CDH18: variants seen among roughly 807,000 people sequenced by gnomAD.
CDH18 encodes the protein cadherin-18.
In CDH18, 31 loss-of-function variants were observed where a neutral mutation model predicts 67.9. The ratio of observed to expected loss-of-function variants is 0.46; its 90% confidence interval spans 0.34 to 0.62. The LOEUF (loss-of-function observed/expected upper bound fraction) is 0.62, where lower values mean the gene tolerates loss of function less well. Ranked by LOEUF, CDH18 falls within the 20% of genes least tolerant of loss-of-function variation. The pLI is 0.01. For synonymous variants in CDH18, 362 were observed against 347.2 expected, an observed-to-expected ratio of 1.04 and a Z score of -0.48; for missense variants, 890 against 975.5, an observed-to-expected ratio of 0.91 and a Z score of 1.17.
At chr5:20,262,212 T>C (rs551966318) in intron 1 of CDH18, among the ~76,000 whole-genome samples, 11 of 152,322 alleles carry the variant, frequency 7.2e-5, no homozygotes, top group African/African-American at 2.4e-4. Flanking sequence ...TGGGAAACCA[T>C]AAATTGGGAG....
chr5:20,449,240 T>A (rs1750243330), intron 1 of CDH18, among the ~76,000 whole-genome samples: 1 of 152,192 alleles, frequency 6.6e-6, no homozygotes, highest in Admixed American at 6.5e-5. Flanking sequence ...CATATCATAT[T>A]GAAACTATCT....
chr5:20,034,990 C>T (rs1739723746), intron 2 of CDH18, among the ~76,000 whole-genome samples: 1 of 152,036 alleles, frequency 6.6e-6, no homozygotes, highest in Non-Finnish European at 1.5e-5. Flanking sequence ...TGTAAGTGCA[C>T]TGGTTGCTTT....
intron 7 of CDH18, among the ~76,000 whole-genome samples, chr5:19,590,173 T>C (rs891673158): frequency 6.6e-6 from 1 of 152,074 alleles, no homozygotes; most frequent in African/African-American, 2.4e-5. Context: ...TAAATACATT[T>C]GTTAAATAAA....
At chr5:19,991,581 T>C (rs367779160), upstream of CDH18, among the ~76,000 whole-genome samples, 93 of 152,300 alleles carry the variant, frequency 6.1e-4, no homozygotes, top group South Asian at 0.017. Context: ...TAGCAAGAAC[T>C]ATAGTTTGTG....
chr5:20,524,344 A>G (rs1238314077), intron 1 of CDH18, among the ~76,000 whole-genome samples: 2 of 152,210 alleles, frequency 1.3e-5, no homozygotes, highest in East Asian at 3.9e-4. Flanking sequence ...AAATATACTA[A>G]TTAATAAATG....
At chr5:20,522,275 T>C (rs1480122916) in intron 1 of CDH18, among the ~76,000 whole-genome samples, 1 of 152,160 alleles carries the variant, frequency 6.6e-6, no homozygotes, top group Non-Finnish European at 1.5e-5. Flanking sequence ...AGCCACCTAG[T>C]TTCTGATGTT....
chr5:20,089,005 C>T (rs927638069), intron 2 of CDH18, among the ~76,000 whole-genome samples: 9 of 151,868 alleles, frequency 5.9e-5, no homozygotes, highest in South Asian at 2.1e-4. Flanking sequence ...TTCCAAAAAA[C>T]GGTATGTATT....
chr5:19,839,011 G>C lies in CDH18; in HGVS notation c.-25C>G. Reference sequence around the variant, plus strand: ...TTGTAAGATAACTTTCCAGTTCACAGTTTTCCTTCCTTTCCTTGTCAGCTA... The same window carrying C: ...TTGTAAGATAACTTTCCAGTTCACACTTTTCCTTCCTTTCCTTGTCAGCTA... On this transcript the variant is annotated 5_prime_UTR_variant, in exon 3 of 13. Coordinates refer to ENST00000382275, the MANE Select transcript of CDH18 (RefSeq NM_004934.5). The C allele has an allele frequency of 6.3e-7, 1 of 1,578,784 alleles. No individual in the cohort carries two copies. The highest frequency in any genetic ancestry group is 8.7e-7 in the Non-Finnish European group (1 of 1,148,420).
chr5:19,774,902 C>T (rs1203909071), intron 3 of CDH18, among the ~76,000 whole-genome samples: 1 of 134,036 alleles, frequency 7.5e-6, no homozygotes, highest in Admixed American at 8.5e-5. Context: ...GTCTACAATT[C>T]AGAAAAGGAC....
At chr5:19,503,268 G>T (rs1684830) in intron 10 of CDH18, among the ~76,000 whole-genome samples, 159 bp from the exon 11 acceptor site, 3,744 of 152,098 alleles carry the variant, frequency 0.025, 168 homozygotes, top group African/African-American at 0.085. Context: ...CAACTAAATT[G>T]CTGTATCCTG....
intron 2 of CDH18, among the ~76,000 whole-genome samples, chr5:19,852,258 C>T (rs115159457): frequency 0.013 from 1,955 of 152,086 alleles, 38 homozygotes; most frequent in African/African-American, 0.045. Context: ...AAACTTCTGC[C>T]AGACTCTTGA....
rs187651367 is a variant in CDH18 at position 19,998,486 on chromosome 5, T to C, written c.-517-6472A>G. ...GATAATAAATTGATTTGAGGTCACA[T>C]TGACTTTGATAGGACCATTAGATAT... On this transcript the variant is annotated intron_variant, in intron 2 of 14. Coordinates refer to the CDH18 transcript ENST00000507958. 2.6e-5 allele frequency among the ~76,000 whole-genome samples: 4 copies of C among 152,282 alleles called. No individual in the cohort carries two copies. In the South Asian group the frequency reaches 8.3e-4, roughly 32 times the overall value.
intron 1 of CDH18, among the ~76,000 whole-genome samples, chr5:20,508,713 A>G (rs1754816543): frequency 6.6e-6 from 1 of 152,036 alleles, no homozygotes; most frequent in South Asian, 2.1e-4. Context: ...CACAGTAGTG[A>G]TCTTAGGTGC....
chr5:19,641,725 T>G (rs1259272983), intron 5 of CDH18, among the ~76,000 whole-genome samples: 1 of 151,988 alleles, frequency 6.6e-6, no homozygotes, highest in African/African-American at 2.4e-5. Flanking sequence ...AAAATCATAA[T>G]TTATGGAAAA....
chr5:19,846,344 T>C (rs1561429777), intron 2 of CDH18, among the ~76,000 whole-genome samples: 1 of 152,180 alleles, frequency 6.6e-6, no homozygotes, highest in Non-Finnish European at 1.5e-5. Context: ...AATACATTTT[T>C]ATGTTGTGTA....
chr5:20,419,009 G>A (rs187701007), intron 1 of CDH18, among the ~76,000 whole-genome samples: 4 of 151,926 alleles, frequency 2.6e-5, no homozygotes, highest in African/African-American at 9.7e-5. Flanking sequence ...TGGTTTGGCC[G>A]TGTCCCCATC....
At chr5:20,522,153 G>A (rs1051773137) in intron 1 of CDH18, among the ~76,000 whole-genome samples, 30 of 152,146 alleles carry the variant, frequency 2.0e-4, no homozygotes, top group Non-Finnish European at 3.5e-4. Context: ...AGTCCACAGC[G>A]GGAAGTTAGC....
At chr5:19,943,694 A>G (rs1223748155) in intron 2 of CDH18, among the ~76,000 whole-genome samples, 1 of 152,132 alleles carries the variant, frequency 6.6e-6, no homozygotes, top group Non-Finnish European at 1.5e-5. Context: ...AATAATTAAA[A>G]AAACACTCGA....
intron 7 of CDH18, among the ~76,000 whole-genome samples, chr5:19,589,883 T>C (rs1744808145): frequency 6.6e-6 from 1 of 152,104 alleles, no homozygotes; most frequent in African/African-American, 2.4e-5. Flanking sequence ...TCTAATTTAC[T>C]CCTAGGCTTC....
Sources: allele counts gnomAD v4.1 joint callset (sites outside exome capture counted in the v4.1 genomes callset), GRCh38; gene constraint gnomAD v4.1.1; transcripts MANE v1.5; gene names NCBI Gene and HGNC (gene_info 2026-07-23, HGNC 2026-07-21).